The following PLD1 variants were observed in gnomAD, a reference collection of about 807,000 sequenced individuals.
PLD1 encodes choline phosphatase 1.
PLD1 carries 112 observed loss-of-function variants against 137.1 expected under a neutral mutation model. That is an observed-to-expected ratio of 0.82 (90% confidence interval 0.70 to 0.96). The LOEUF (loss-of-function observed/expected upper bound fraction) is 0.96, where lower values mean the gene tolerates loss of function less well. Among genes scored for constraint, PLD1 ranks in the 40% least tolerant of loss-of-function variants. The pLI is 0.00. For synonymous variants in PLD1, 431 were observed against 454.7 expected, an observed-to-expected ratio of 0.95 and a Z score of 0.66; for missense variants, 1,321 against 1,342.0, an observed-to-expected ratio of 0.98 and a Z score of 0.24.
chr3:171,616,776 G>T (rs764276614), intron 24 of PLD1, among the ~76,000 whole-genome samples: 4 of 152,120 alleles, frequency 2.6e-5, no homozygotes, highest in African/African-American at 4.8e-5. Context: ...TAGTCCTGTG[G>T]GACTCACGCT....
Position 171,713,977 on chromosome 3 carries a change from A to G in PLD1, c.827T>C (p.Leu276Pro). 6.2e-7 allele frequency: 1 copy of G among 1,610,596 alleles called. No individual in the cohort carries two copies. The highest frequency in any genetic ancestry group is 1.3e-5 in the African/African-American group (1 of 75,002). Residue 276 changes from leucine to proline, a missense_variant, in exon 9 of 27, where the codon CTG (leucine) becomes CCG (proline). Leu to Pro is a moderately conservative substitution (Grantham distance 98). Transcript: ENST00000351298. ...AATTTTGAATTCTTTGTCTACCAGCAGGACGAAGGCAATGGCACCGCTGTC... is the reference window on the plus strand; with the variant it reads ...AATTTTGAATTCTTTGTCTACCAGCGGGACGAAGGCAATGGCACCGCTGTC... Reference protein sequence around the residue: ...KPDSGAIAFVLLVDKEFKIKV... With the variant: ...KPDSGAIAFVPLVDKEFKIKV...
intron 23 of PLD1, among the ~76,000 whole-genome samples, chr3:171,639,218 T>C (rs1735424147): frequency 7.0e-6 from 1 of 143,824 alleles, no homozygotes; most frequent in African/African-American, 2.5e-5. Flanking sequence ...ATATAGCACA[T>C]AAAATATATA....
intron 9 of PLD1, among the ~76,000 whole-genome samples, chr3:171,710,281 T>C: frequency 6.6e-6 from 1 of 152,076 alleles, no homozygotes; most frequent in East Asian, 1.9e-4. Flanking sequence ...CAGGATGGTC[T>C]CGATCTCCTG....
chr3:171,742,509 C>T (rs182601313), intron 1 of PLD1, among the ~76,000 whole-genome samples: 130 of 151,532 alleles, frequency 8.6e-4, no homozygotes, highest in African/African-American at 3.0e-3. Context: ...TTTCTAGCTG[C>T]TATTGTACTT....
intron 1 of PLD1, among the ~76,000 whole-genome samples, chr3:171,808,539 A>AAAT (rs532441752): frequency 5.0e-4 from 76 of 151,982 alleles, no homozygotes; most frequent in South Asian, 8.3e-4. Context: ...CCGTCTCAAA[A>AAAT]AATAATAATA....
At chr3:171,788,716 A>G (rs955003028) in intron 1 of PLD1, 10 of 152,204 alleles carry the variant, frequency 6.6e-5, no homozygotes, top group African/African-American at 2.2e-4. Context: ...GCTTTGACAC[A>G]TCTGCTTGTG....
chr3:171,729,683 C>T (rs1718788955), intron 6 of PLD1, among the ~76,000 whole-genome samples: 1 of 152,170 alleles, frequency 6.6e-6, no homozygotes, highest in Non-Finnish European at 1.5e-5. Context: ...GGAGGCTGGG[C>T]AAAGGCCTAA....
In PLD1 at chr3:171,708,727, A is replaced by G. The variant is rs367671987; in HGVS notation, c.1145+28T>C. 62 of 1,264,300 alleles carry G rather than the reference A, an allele frequency of 4.9e-5. No homozygotes were observed. The South Asian group carries it at 5.6e-4, about 11-fold the overall frequency. 78.3% of individuals were successfully genotyped at this position (1,264,300 alleles called of 1,614,324 possible). A position where few individuals can be genotyped will look rare whatever the true frequency, so the allele number is the denominator to read the frequency against. On this transcript the variant is annotated intron_variant, in intron 11 of 26. Transcript: ENST00000351298. ...CATTTCTAAACATAGAGACTTCCAG[A>G]AAAAAATTCCCAGGGACAAATACTA...
At chr3:171,764,030 T>C (rs1000837362) in intron 1 of PLD1, among the ~76,000 whole-genome samples, 4 of 152,116 alleles carry the variant, frequency 2.6e-5, no homozygotes, top group Non-Finnish European at 5.9e-5. Context: ...ATTACTAAAA[T>C]GGGTGATCAA....
intron 8 of PLD1, among the ~76,000 whole-genome samples, chr3:171,719,076 T>G (rs1381713518): frequency 2.0e-5 from 3 of 152,178 alleles, no homozygotes; most frequent in African/African-American, 7.2e-5. Context: ...TGGTTCTTCT[T>G]TAGACTTGCC....
chr3:171,669,919 T>C (rs1712568926), intron 19 of PLD1, among the ~76,000 whole-genome samples: 1 of 152,252 alleles, frequency 6.6e-6, no homozygotes, highest in Non-Finnish European at 1.5e-5. Flanking sequence ...AGAGCTGAGA[T>C]GTTAACACAG....
rs151128697 is a variant in PLD1, at chr3:171,685,844, A to C, written c.1867+841T>G. On this transcript the variant is annotated intron_variant, in intron 16 of 26. Coordinates refer to ENST00000351298, the MANE Select transcript of PLD1 (RefSeq NM_002662.5). ...CCTTCAAGATTTTTAACTGGCCAGG[A>C]GCGGTGGCTCACACCTGTAATCCCA... Among the ~76,000 whole-genome samples, 173 of 152,220 alleles carry C rather than the reference A, an allele frequency of 1.1e-3. 2 individuals are homozygous for C. In the East Asian group the frequency reaches 0.023, roughly 20 times the overall value.
At chr3:171,641,540 C>G (rs1164458701) in intron 23 of PLD1, among the ~76,000 whole-genome samples, 1 of 152,126 alleles carries the variant, frequency 6.6e-6, no homozygotes, top group Non-Finnish European at 1.5e-5. Flanking sequence ...CTTCAAAATA[C>G]TCAATTCAGG....
At chr3:171,738,666 C>T (rs960250954) in intron 1 of PLD1, among the ~76,000 whole-genome samples, 9 of 152,094 alleles carry the variant, frequency 5.9e-5, no homozygotes, top group African/African-American at 1.4e-4. Context: ...GGTATAATGA[C>T]GTATGTGTCT....
intron 17 of PLD1, among the ~76,000 whole-genome samples, chr3:171,677,320 A>G (rs1713477208): frequency 6.6e-6 from 1 of 152,176 alleles, no homozygotes; most frequent in Non-Finnish European, 1.5e-5. Context: ...CCCCCAAAAT[A>G]TGCCTATAAA....
chr3:171,674,221 T>G (rs1017884643), intron 19 of PLD1, among the ~76,000 whole-genome samples: 2 of 152,228 alleles, frequency 1.3e-5, no homozygotes, highest in African/African-American at 4.8e-5. Context: ...CTGGGTATCA[T>G]GTTGCTAGGG....
chr3:171,802,729 C>T (rs923154028), intron 1 of PLD1, among the ~76,000 whole-genome samples: 2 of 152,210 alleles, frequency 1.3e-5, no homozygotes, highest in Non-Finnish European at 2.9e-5. Flanking sequence ...TAGTTAGAAA[C>T]CCAGGCTCCA....
chr3:171,669,551 G>A lies in PLD1; in HGVS notation c.2229+4949C>T, dbSNP rs555773274. ...CAAGTAGCTGTGATTACAGGCATGCGCCATAACGCCCAGCTAATTTTTGTA... is the reference window on the plus strand; with the variant it reads ...CAAGTAGCTGTGATTACAGGCATGCACCATAACGCCCAGCTAATTTTTGTA... On this transcript the variant is annotated intron_variant, in intron 19 of 26. Transcript: ENST00000351298. 4.4e-4 allele frequency among the ~76,000 whole-genome samples: 67 copies of A among 152,254 alleles called. 1 individual carries two copies. Among genetic ancestry groups the A allele is most frequent in the African/African-American group, 1.5e-3 (64 of 41,550 alleles).
chr3:171,647,023 C>A (rs1184277494), intron 21 of PLD1, among the ~76,000 whole-genome samples: 1 of 152,208 alleles, frequency 6.6e-6, no homozygotes, highest in Non-Finnish European at 1.5e-5. Context: ...TTATTCTTGC[C>A]TCGGCACTCA....
Sources: gnomAD v4.1 joint callset for allele counts (sites outside exome capture counted in the v4.1 genomes callset) on GRCh38, gnomAD v4.1.1 for gene constraint, MANE v1.5 for transcripts, NCBI Gene and HGNC (gene_info 2026-07-23, HGNC 2026-07-21) for gene names.